The following GLT1D1 variants were observed in gnomAD, a reference collection of about 807,000 sequenced individuals.
GLT1D1 encodes glycosyltransferase 1 domain containing 1.
In GLT1D1, 21 loss-of-function variants were observed where a neutral mutation model predicts 28.7. That is an observed-to-expected ratio of 0.73 (90% CI 0.52 to 1.05). The LOEUF is 1.05. Among genes scored for constraint, GLT1D1 ranks in the 50% least tolerant of loss-of-function variants. GLT1D1 has a pLI of 0.00. For missense variants in GLT1D1, 343 were observed against 330.6 expected (o/e 1.04, Z -0.29); for synonymous variants, 147 against 124.8 (o/e 1.18, Z -1.19).
At chr12:128,944,580 G>T in intron 4 of GLT1D1, 2 of 750,948 alleles carry the variant, frequency 2.7e-6, no homozygotes, top group East Asian at 2.6e-5. Flanking sequence ...GAGCAGTAAG[G>T]CGTTGTTTAA....
chr12:128,879,378 T>TTCTTTC (rs200811517), intron 2 of GLT1D1, among the ~76,000 whole-genome samples: 1 of 69,976 alleles, frequency 1.4e-5, no homozygotes, highest in African/African-American at 5.4e-5. Context: ...ATTTTTTTCT[T>TTCTTTC]TTTCTTTCTT....
At chr12:128,861,793 AC>A (rs10714519) in intron 1 of GLT1D1, among the ~76,000 whole-genome samples, 24,290 of 152,124 alleles carry the variant, frequency 0.16, 2,154 homozygotes, top group African/African-American at 0.23. Flanking sequence ...CCAAGGCAGT[AC>A]TTTCCCTTCC....
intron 1 of GLT1D1, among the ~76,000 whole-genome samples, chr12:128,857,572 G>A (rs1041719633): frequency 1.3e-5 from 2 of 152,056 alleles, no homozygotes; most frequent in Admixed American, 1.3e-4. Flanking sequence ...CGGGGAGGGA[G>A]GTTCCCTTGG....
At chr12:128,909,911 CAT>C (rs1278014895) in intron 4 of GLT1D1, among the ~76,000 whole-genome samples, 1 of 152,236 alleles carries the variant, frequency 6.6e-6, no homozygotes, top group Non-Finnish European at 1.5e-5. Context: ...GACTTTGACT[CAT>C]GTTATTTCAA....
intron 2 of GLT1D1, among the ~76,000 whole-genome samples, chr12:128,878,800 A>G (rs1956933326): frequency 6.6e-6 from 1 of 152,034 alleles, no homozygotes; most frequent in Non-Finnish European, 1.5e-5. Flanking sequence ...ATATTTTTAG[A>G]GACAAGGTCT....
chr12:128,908,883 A>G (rs1593117097), intron 4 of GLT1D1, among the ~76,000 whole-genome samples: 1 of 152,170 alleles, frequency 6.6e-6, no homozygotes, highest in African/African-American at 2.4e-5. Context: ...CGGGAGGCAG[A>G]GCTTGCAGTG....
intron 1 of GLT1D1, among the ~76,000 whole-genome samples, chr12:128,873,940 TTTC>T (rs1956766407): frequency 6.8e-6 from 1 of 146,394 alleles, no homozygotes; most frequent in African/African-American, 2.5e-5. Flanking sequence ...TTTCTTTTTC[TTTC>T]TTTCTTTCCT....
chr12:128,967,016 A>G (rs1878522079), intron 7 of GLT1D1, among the ~76,000 whole-genome samples: 1 of 152,218 alleles, frequency 6.6e-6, no homozygotes, highest in African/African-American at 2.4e-5. Context: ...TCTGTTTTAT[A>G]GCTTCGAAAT....
intron 4 of GLT1D1, among the ~76,000 whole-genome samples, chr12:128,931,934 C>CAT (rs1873960104): frequency 6.6e-6 from 1 of 152,210 alleles, no homozygotes; most frequent in African/African-American, 2.4e-5. Flanking sequence ...CACACACACA[C>CAT]ACACACAACG....
intron 4 of GLT1D1, among the ~76,000 whole-genome samples, chr12:128,907,375 G>C (rs949453718): frequency 2.0e-5 from 3 of 149,724 alleles, no homozygotes; most frequent in Non-Finnish European, 4.4e-5. Flanking sequence ...GCGTGATCTC[G>C]GCTCACTGCA....
In GLT1D1 at chr12:128,953,713, G is replaced by A. The variant is rs139487757; in HGVS notation, c.541-3832G>A. On this transcript the variant is annotated intron_variant, in intron 6 of 7. Coordinates refer to ENST00000281703, the MANE Select transcript of GLT1D1 (RefSeq NM_144669.3). ...AGATTCCAAATTCCTTCCTTCTTTG[G>A]CCTGTGCGCACTAACAATGACTAAA... 5.5e-3 allele frequency among the ~76,000 whole-genome samples: 826 copies of A among 150,976 alleles called. 10 individuals carry two copies. Among genetic ancestry groups the A allele is most frequent in the African/African-American group, 0.015 (607 of 41,100 alleles).
chr12:128,874,120 C>CCCTTTCTTTCTTTCTTTCTTTCTT (rs1555261631), intron 1 of GLT1D1, among the ~76,000 whole-genome samples: 16 of 52,804 alleles, frequency 3.0e-4, no homozygotes, highest in African/African-American at 1.4e-3. Context: ...CTCTCTCTCT[C>CCCTTTCTTTCTTTCTTTCTTTCTT]TCTCTCTTTC....
chr12:128,927,051 G>C, intron 4 of GLT1D1, 54 bp from the exon 8 acceptor site: 1 of 1,252,886 alleles, frequency 8.0e-7, no homozygotes, highest in Non-Finnish European at 1.1e-6. Context: ...TGTGCTTGCA[G>C]CTGTGACTTA....
At chr12:128,919,774 A>T (rs1008905090) in intron 4 of GLT1D1, among the ~76,000 whole-genome samples, 1 of 152,166 alleles carries the variant, frequency 6.6e-6, no homozygotes, top group Non-Finnish European at 1.5e-5. Flanking sequence ...AAATGTGATG[A>T]TTCCATGTTC....
At chr12:128,963,302 T>A (rs1272267274) in intron 7 of GLT1D1, among the ~76,000 whole-genome samples, 1 of 152,102 alleles carries the variant, frequency 6.6e-6, no homozygotes, top group Non-Finnish European at 1.5e-5. Context: ...GGAGTGGGGT[T>A]GATTCCAGGG....
At position 128,950,520 on chromosome 12, in the gene GLT1D1, A is replaced by G. The variant is rs369382477; in HGVS notation, c.540+3062A>G. 2.2e-4 allele frequency among the ~76,000 whole-genome samples: 34 copies of G among 152,366 alleles called. No individual in the cohort carries two copies. The East Asian group carries it at 4.6e-3, about 21-fold the overall frequency. On this transcript the variant is annotated intron_variant, in intron 6 of 7. Coordinates refer to ENST00000281703, the MANE Select transcript of GLT1D1 (RefSeq NM_144669.3). ...TAAAATGCAAGCCGACCTCTCTGCA[A>G]GAAAATCTAGACATGGTGGTTTCCA...
intron 7 of GLT1D1, among the ~76,000 whole-genome samples, chr12:128,960,615 G>A (rs1877835105): frequency 6.6e-6 from 1 of 152,064 alleles, no homozygotes; most frequent in Non-Finnish European, 1.5e-5. Context: ...AAATGAGCCA[G>A]GTGTGGTGGT....
At chr12:128,954,733 T>C (rs1433999380) in intron 6 of GLT1D1, among the ~76,000 whole-genome samples, 1 of 152,218 alleles carries the variant, frequency 6.6e-6, no homozygotes, top group Non-Finnish European at 1.5e-5. Flanking sequence ...ATGGATTGCT[T>C]GATCCCAGGA....
chr12:128,941,573 T>C (rs1215103918), intron 4 of GLT1D1, among the ~76,000 whole-genome samples: 2 of 145,378 alleles, frequency 1.4e-5, no homozygotes, highest in Admixed American at 6.8e-5. Flanking sequence ...CTTTCTCTTT[T>C]TTTTTTTTTT....
Sources: allele counts gnomAD v4.1 joint callset (sites outside exome capture counted in the v4.1 genomes callset), GRCh38; gene constraint gnomAD v4.1.1; transcripts MANE v1.5; gene names NCBI Gene and HGNC (gene_info 2026-07-23, HGNC 2026-07-21).